LMBR1: variants seen among roughly 807,000 people sequenced by gnomAD.
The protein encoded by LMBR1 is limb region 1 protein homolog.
LMBR1 carries 52 observed loss-of-function variants against 73.9 expected under a neutral mutation model. The ratio of observed to expected loss-of-function variants is 0.70; its 90% CI spans 0.56 to 0.89. The LOEUF (loss-of-function observed/expected upper bound fraction) is 0.89, where lower values mean the gene tolerates loss of function less well. LMBR1 is among the 40% of genes least tolerant of loss of function. The probability of loss-of-function intolerance (pLI) is 0.00; values close to 1 mark genes in which losing one functional copy is unlikely to be tolerated. For missense variants in LMBR1, 539 were observed against 579.8 expected (o/e 0.93, Z 0.72); for synonymous variants, 215 against 209.4 (o/e 1.03, Z -0.23).
intron 1 of LMBR1, among the ~76,000 whole-genome samples, chr7:156,872,566 G>C (rs191143994): frequency 5.3e-4 from 81 of 151,904 alleles, no homozygotes; most frequent in African/African-American, 1.8e-3. Flanking sequence ...AGAATCGCTT[G>C]AACCAGGGAG....
At chr7:156,758,683 G>A (rs987722238) in intron 8 of LMBR1, among the ~76,000 whole-genome samples, 22 of 152,150 alleles carry the variant, frequency 1.4e-4, no homozygotes, top group African/African-American at 5.3e-4. Context: ...CGCCATGACT[G>A]GAAACTTCCT....
intron 15 of LMBR1, among the ~76,000 whole-genome samples, chr7:156,693,046 G>A (rs373269679): frequency 1.4e-4 from 21 of 151,176 alleles, no homozygotes; most frequent in African/African-American, 4.9e-4. Context: ...TAAATTTAAA[G>A]ACACAGCAAC....
intron 9 of LMBR1, chr7:156,736,638 T>A: frequency 2.2e-6 from 1 of 456,446 alleles, no homozygotes; most frequent in Non-Finnish European, 4.4e-6. Context: ...AGGACACAAG[T>A]GTCTGAGCCA....
intron 7 of LMBR1, among the ~76,000 whole-genome samples, 188 bp from the exon 8 acceptor site, chr7:156,762,386 G>A (rs185998971): frequency 6.6e-6 from 1 of 152,222 alleles, no homozygotes; most frequent in East Asian, 1.9e-4. Context: ...AAGCTAGAGG[G>A]GCCATGTGAG....
At chr7:156,813,679 A>G (rs1833465547) in intron 4 of LMBR1, among the ~76,000 whole-genome samples, 1 of 152,116 alleles carries the variant, frequency 6.6e-6, no homozygotes, top group Non-Finnish European at 1.5e-5. Flanking sequence ...TCCTTTTCCC[A>G]CATTCTTTCT....
At chr7:156,787,747 A>C (rs1423918008) in intron 5 of LMBR1, among the ~76,000 whole-genome samples, 1 of 152,212 alleles carries the variant, frequency 6.6e-6, no homozygotes, top group African/African-American at 2.4e-5. Flanking sequence ...TCTATTTTCA[A>C]TAAAGTCAAA....
chr7:156,892,892 C>A (rs1222548104), intron 1 of LMBR1, 36 bp downstream of exon 1: 6 of 1,413,298 alleles, frequency 4.2e-6, no homozygotes, highest in Non-Finnish European at 5.6e-6. Flanking sequence ...CGGGCGGGCA[C>A]GCGGGACTGT....
chr7:156,844,849 A>G (rs1839346004), intron 1 of LMBR1, among the ~76,000 whole-genome samples: 1 of 152,188 alleles, frequency 6.6e-6, no homozygotes, highest in African/African-American at 2.4e-5. Context: ...AAGAATGGCT[A>G]GGCACTTGAG....
intron 2 of LMBR1, 92 bp from the exon 3 acceptor site, chr7:156,833,884 A>C (rs1837140435): frequency 1.2e-6 from 1 of 823,252 alleles, no homozygotes; most frequent in African/African-American, 1.8e-5. Flanking sequence ...ATAAACTTAA[A>C]AGGCAATTAT....
intron 16 of LMBR1, among the ~76,000 whole-genome samples, chr7:156,686,634 T>G (rs1229595059): frequency 6.6e-6 from 1 of 152,350 alleles, no homozygotes; most frequent in Admixed American, 6.5e-5. Context: ...GGAACTGACA[T>G]GCATATAAGG....
rs76700838 is a variant in LMBR1 at position 156,882,661 on chromosome 7, G to T, written c.66+10267C>A. Among the ~76,000 whole-genome samples the T allele has an allele frequency of 3.7e-4, 57 of 152,354 alleles. 1 individual carries two copies. Among genetic ancestry groups the T allele is most frequent in the African/African-American group, 1.3e-3 (56 of 41,588 alleles). ...ACTAATCAATGGGCATAAAGCTTCAGTCAAGCAAAATGAGTAAGCTCTAGA... is the reference window on the plus strand; with the variant it reads ...ACTAATCAATGGGCATAAAGCTTCATTCAAGCAAAATGAGTAAGCTCTAGA... On this transcript the variant is annotated intron_variant, in intron 1 of 16. Coordinates refer to ENST00000353442, the MANE Select transcript of LMBR1 (RefSeq NM_022458.4).
At chr7:156,807,659 T>C (rs1832381882) in intron 4 of LMBR1, among the ~76,000 whole-genome samples, 1 of 152,198 alleles carries the variant, frequency 6.6e-6, no homozygotes. Flanking sequence ...TCTCTCAAGA[T>C]TTTTAAAGAA....
At chr7:156,673,458 C>G (rs1448086793), downstream of LMBR1, among the ~76,000 whole-genome samples, 1 of 152,094 alleles carries the variant, frequency 6.6e-6, no homozygotes, top group Non-Finnish European at 1.5e-5. Flanking sequence ...AAAATTAAAG[C>G]CTTAGGAAAC....
chr7:156,737,509 C>G (rs777285101), intron 9 of LMBR1, among the ~76,000 whole-genome samples: 2 of 152,108 alleles, frequency 1.3e-5, no homozygotes, highest in Non-Finnish European at 2.9e-5. Context: ...TTTCCTCCAC[C>G]ACATTTTCTC....
intron 4 of LMBR1, among the ~76,000 whole-genome samples, chr7:156,820,090 G>A (rs1834520896): frequency 6.6e-6 from 1 of 152,218 alleles, no homozygotes; most frequent in Non-Finnish European, 1.5e-5. Flanking sequence ...TTCTTATCTG[G>A]TCTGTGCAGA....
chr7:156,841,570 G>A (rs2098305), intron 1 of LMBR1, among the ~76,000 whole-genome samples: 54,162 of 151,898 alleles, frequency 0.36, 9,960 homozygotes, highest in East Asian at 0.57. Flanking sequence ...CAAACCAAGA[G>A]ACTAGATGTC....
chr7:156,723,283 G>C (rs930391824), intron 15 of LMBR1, among the ~76,000 whole-genome samples: 6 of 152,120 alleles, frequency 3.9e-5, no homozygotes, highest in Admixed American at 3.3e-4. Context: ...GAGGCAATAT[G>C]AGAGCTAATG....
chr7:156,883,229 T>C (rs947054988), intron 1 of LMBR1, among the ~76,000 whole-genome samples: 1 of 151,712 alleles, frequency 6.6e-6, no homozygotes, highest in African/African-American at 2.4e-5. Flanking sequence ...GTGAAACCTG[T>C]CTCTACTGAA....
chr7:156,734,937 T>C (rs10277539), intron 9 of LMBR1, among the ~76,000 whole-genome samples: 13,114 of 152,242 alleles, frequency 0.086, 687 homozygotes, highest in East Asian at 0.15. Flanking sequence ...GTCAGACCTA[T>C]TACTTTACCA....
Sources: allele counts gnomAD v4.1 joint callset (sites outside exome capture counted in the v4.1 genomes callset), GRCh38; gene constraint gnomAD v4.1.1; transcripts MANE v1.5; gene names NCBI Gene and HGNC (gene_info 2026-07-23, HGNC 2026-07-21).